The following SP110 variants were observed in gnomAD, a reference collection of about 807,000 sequenced individuals.
SP110 encodes the protein SP110 nuclear body protein.
Under a neutral mutation model 92.7 loss-of-function variants are expected in SP110, and 62 were observed. The observed-to-expected ratio is 0.67, with a 90% CI of 0.55 to 0.83. SP110 has a LOEUF of 0.83. SP110 is among the 40% of genes least tolerant of loss of function. The pLI, the probability that SP110 is intolerant of heterozygous loss-of-function variation, is 0.00. For synonymous variants in SP110, 273 were observed against 305.3 expected (o/e 0.89, Z 1.10); for missense variants, 793 against 863.9 (o/e 0.92, Z 1.03).
At chr2:230,222,709 AAGATAC>A (rs1470958633), upstream of SP110, among the ~76,000 whole-genome samples, 2 of 151,946 alleles carry the variant, frequency 1.3e-5, no homozygotes, top group African/African-American at 4.8e-5. Flanking sequence ...AAAAAAAAAA[AAGATAC>A]AGACCATTTC....
At chr2:230,193,727 A>G (rs1246566838) in intron 10 of SP110, among the ~76,000 whole-genome samples, 1 of 152,102 alleles carries the variant, frequency 6.6e-6, no homozygotes, top group African/African-American at 2.4e-5. Flanking sequence ...GGAATCATGT[A>G]TTTTTCATCC....
chr2:230,211,665 C>T lies in SP110; in HGVS notation c.668-112G>A, dbSNP rs1362281681. On this transcript the variant is annotated intron_variant, in intron 5 of 18. Transcript: ENST00000258381. The surrounding 1 kb of genome is among the most constrained non-coding windows in gnomAD (Gnocchi z 4.2). Reference sequence around the variant, plus strand: ...AGTAAAAATGACGGGGTAACAGCAACCAAGGCCTGGGAAAGGATGGCATAG... The same window carrying T: ...AGTAAAAATGACGGGGTAACAGCAATCAAGGCCTGGGAAAGGATGGCATAG... 1 of 745,340 alleles carries T rather than the reference C, an allele frequency of 1.3e-6. No homozygotes were observed. Among genetic ancestry groups the T allele is most frequent in the African/African-American group, 1.7e-5 (1 of 58,352 alleles). 46.2% of individuals were successfully genotyped at this position (745,340 alleles called of 1,614,324 possible).
intron 13 of SP110, 44 bp downstream of exon 13, chr2:230,178,113 C>A (rs1239080981): frequency 1.7e-6 from 2 of 1,191,874 alleles, no homozygotes; most frequent in East Asian, 2.4e-5. Context: ...TCTAGTGAGT[C>A]CTTCATCTAG....
At chr2:230,196,547 A>G (rs968938780) in intron 10 of SP110, among the ~76,000 whole-genome samples, 2 of 146,996 alleles carry the variant, frequency 1.4e-5, no homozygotes, top group African/African-American at 4.9e-5. Flanking sequence ...TTTTTTTAAA[A>G]TTTTATTATT....
chr2:230,216,703 G>C, intron 2 of SP110, 78 bp downstream of exon 2: 2 of 1,561,234 alleles, frequency 1.3e-6, no homozygotes, highest in Non-Finnish European at 1.8e-6. Flanking sequence ...AAGCCCTGGT[G>C]GTTTGTGGTT....
upstream of SP110, chr2:230,219,998 C>T: frequency 1.0e-6 from 1 of 985,560 alleles, no homozygotes; most frequent in South Asian, 4.7e-5. Flanking sequence ...TTGACAAACG[C>T]AGTAAGGGGC....
intron 12 of SP110, among the ~76,000 whole-genome samples, chr2:230,180,169 G>A (rs2042066028): frequency 6.6e-6 from 1 of 152,230 alleles, no homozygotes; most frequent in Non-Finnish European, 1.5e-5. Flanking sequence ...GGAGCCTGCT[G>A]TGAAAAGCAA....
At chr2:230,194,998 G>A (rs972443550) in intron 10 of SP110, among the ~76,000 whole-genome samples, 1 of 151,982 alleles carries the variant, frequency 6.6e-6, no homozygotes, top group Non-Finnish European at 1.5e-5. Flanking sequence ...CAGGTGAGGG[G>A]CCTGATAAAC....
At chr2:230,195,148 T>C (rs2042810766) in intron 10 of SP110, among the ~76,000 whole-genome samples, 1 of 152,184 alleles carries the variant, frequency 6.6e-6, no homozygotes, top group Non-Finnish European at 1.5e-5. Context: ...CTACAAATAT[T>C]GATCTACAAA....
At chr2:230,200,510 C>A in intron 10 of SP110, 2 of 212,554 alleles carry the variant, frequency 9.4e-6, no homozygotes, top group Non-Finnish European at 9.5e-6. Context: ...AAAGCTTGAT[C>A]CATGGGTTGG....
At chr2:230,183,947 A>G (rs1978582) in intron 11 of SP110, among the ~76,000 whole-genome samples, 120,086 of 151,762 alleles carry the variant, frequency 0.79, 47,606 homozygotes, top group Admixed American at 0.84. Context: ...CACGGCATGT[A>G]TTTCAAGCCC....
rs574458068 is a variant in SP110 at position 230,192,921 on chromosome 2, A to G, written c.1130-6778T>C. Among the ~76,000 whole-genome samples the G allele has an allele frequency of 3.3e-3, 508 of 152,230 alleles. 3 individuals are homozygous for G. Among genetic ancestry groups the G allele is most frequent in the Middle Eastern group, 0.024 (7 of 294 alleles). On this transcript the variant is annotated intron_variant, in intron 10 of 18. Transcript: ENST00000258381. ...GTTTCTTTTTTGACTTTCTGTCTCA[A>G]TGATCTCTCTGGTGCTGACAGTGGA...
chr2:230,224,796 A>G (rs1399323217), upstream of SP110, among the ~76,000 whole-genome samples: 5 of 152,192 alleles, frequency 3.3e-5, no homozygotes, highest in Admixed American at 2.0e-4. Context: ...CTGTTCTGTC[A>G]CTGGCCCTGG....
rs2078311251 is a variant in SP110 at position 230,166,382 on chromosome 2, A to G, written c.*2742T>C. ...ACTTTTGGTTAATTTAAAACACTAT[A>G]AATTATTCCAGAATATATTAAAAGG... On this transcript the variant is annotated 3_prime_UTR_variant, in exon 19 of 19. Transcript: ENST00000258381. Among the ~76,000 whole-genome samples, 1 of 152,236 alleles carries G rather than the reference A, an allele frequency of 6.6e-6. No homozygotes were observed. Among genetic ancestry groups the G allele is most frequent in the South Asian group, 2.1e-4 (1 of 4,828 alleles).
rs559250538 is a variant in SP110, at chr2:230,184,143, G to A, written c.1280-503C>T. On this transcript the variant is annotated intron_variant, in intron 11 of 18. Transcript: ENST00000258381. ...GCAGGATGGTGCAAGACTTTGTCAC[G>A]CTACTCAGAACAGCGCATCATTTTT... Among the ~76,000 whole-genome samples the A allele has an allele frequency of 1.2e-4, 19 of 152,250 alleles. No individual in the cohort carries two copies. The East Asian group carries it at 2.9e-3, about 23-fold the overall frequency.
rs2078364090 is a variant in SP110 at position 230,169,167 on chromosome 2, C to T, written c.2099G>A (p.Gly700Asp). ...ACCGCCGTCATTGGCTTCATGAAAA[C>T]CGAGCACGTCTTTGAGATCTTTTTC... ...EFEKDLKDVL[G>D]FHEANDGGFW... Residue 700 changes from glycine to aspartate, a missense_variant, in exon 19 of 19, where the codon GGT (glycine) becomes GAT (aspartate). By Grantham distance (94) the Gly-to-Asp change is moderately conservative. Coordinates refer to ENST00000258381, the MANE Select transcript of SP110 (RefSeq NM_080424.4). 1.9e-6 allele frequency: 3 copies of T among 1,613,984 alleles called. 1 individual carries two copies. The highest frequency in any genetic ancestry group is 1.6e-4 in the Middle Eastern group (1 of 6,062).
chr2:230,202,855 C>A, intron 8 of SP110, 127 bp from the exon 9 acceptor site: 1 of 869,452 alleles, frequency 1.2e-6, no homozygotes, highest in Non-Finnish European at 2.0e-6. Context: ...TACCCCTGTA[C>A]CTCACTTTTC....
chr2:230,168,195 CG>C lies in SP110; in HGVS notation c.*928del, dbSNP rs1369548520. 2.0e-5 allele frequency: 3 copies of C among 147,234 alleles called. No homozygotes were observed. The highest frequency in any genetic ancestry group is 3.0e-5 in the Non-Finnish European group (2 of 67,150). The allele number at this position is 147,234 out of a possible 1,614,324, so 9.1% of individuals were successfully genotyped here. On this transcript the variant is annotated 3_prime_UTR_variant, in exon 19 of 19. Transcript: ENST00000258381. ...AACTGCAATGGTTTGTAGCATGCTA[CG>C]TATATTTAAATATGTGGGTTCAAGA...
At position 230,178,177 on chromosome 2, in the gene SP110, T is replaced by A. The variant is rs148808440; in HGVS notation, c.1427A>T (p.Tyr476Phe). Reference sequence around the variant, plus strand: ...CTCACCGTGTTTCATTTTCTTCTTATATAAAATCCCTTTCGCCTCACCACA... The same window carrying A: ...CTCACCGTGTTTCATTTTCTTCTTAAATAAAATCCCTTTCGCCTCACCACA... ...VTCGEAKGIL[Y>F]KKKMKHGSSV... The change falls in exon 13 of 19, where the codon TAT (tyrosine) becomes TTT (phenylalanine). Residue 476 changes from tyrosine to phenylalanine, a missense_variant. Coordinates refer to ENST00000258381, the MANE Select transcript of SP110 (RefSeq NM_080424.4). The A allele has an allele frequency of 6.2e-7, 1 of 1,610,212 alleles. No homozygotes were observed. Among genetic ancestry groups the A allele is most frequent in the Non-Finnish European group, 8.5e-7 (1 of 1,176,610 alleles).
Sources: gnomAD v4.1 joint callset for allele counts (sites outside exome capture counted in the v4.1 genomes callset) on GRCh38, gnomAD v4.1.1 for gene constraint, Gnocchi (gnomAD v3.1) non-coding constraint, MANE v1.5 for transcripts, NCBI Gene and HGNC (gene_info 2026-07-23, HGNC 2026-07-21) for gene names.